VPS13B: variants seen among roughly 807,000 people sequenced by gnomAD.
VPS13B encodes vacuolar protein sorting 13 homolog B.
Under a neutral mutation model 426.4 loss-of-function variants are expected in VPS13B, and 285 were observed. The observed-to-expected ratio is 0.67, with a 90% CI of 0.61 to 0.74. VPS13B has a LOEUF of 0.74. VPS13B is among the 30% of genes least tolerant of loss of function. The probability of loss-of-function intolerance (pLI) is 0.00; values close to 1 mark genes in which losing one functional copy is unlikely to be tolerated. For synonymous variants in VPS13B, 1,676 were observed against 1,676.4 expected (o/e 1.00, Z 0.01); for missense variants, 4,537 against 4,782.6 (o/e 0.95, Z 1.51).
intron 34 of VPS13B, among the ~76,000 whole-genome samples, chr8:99,650,123 C>A (rs947120486): frequency 6.6e-6 from 1 of 152,138 alleles, no homozygotes; most frequent in Non-Finnish European, 1.5e-5. Context: ...GTCCATTAGC[C>A]AGGACTTGGT....
chr8:99,563,552 T>A (rs1342700260), intron 31 of VPS13B, among the ~76,000 whole-genome samples: 2 of 152,184 alleles, frequency 1.3e-5, no homozygotes, highest in Non-Finnish European at 2.9e-5. Flanking sequence ...AATGAATGAT[T>A]GAGTCTATCG....
chr8:99,824,911 T>G (rs1299716704), intron 51 of VPS13B, among the ~76,000 whole-genome samples: 2 of 152,218 alleles, frequency 1.3e-5, no homozygotes, highest in Non-Finnish European at 2.9e-5. Flanking sequence ...ATGAACTCAT[T>G]CTTTTTTATT....
At chr8:99,430,692 A>T (rs1461619932) in intron 21 of VPS13B, among the ~76,000 whole-genome samples, 2 of 148,594 alleles carry the variant, frequency 1.3e-5, no homozygotes, top group African/African-American at 5.2e-5. Context: ...TTTGGTTATC[A>T]TCAAAATCCA....
intron 2 of VPS13B, among the ~76,000 whole-genome samples, chr8:99,028,906 T>C (rs1178860565): frequency 9.9e-5 from 8 of 81,092 alleles, no homozygotes; most frequent in South Asian, 6.3e-4. Flanking sequence ...CCGGACGGGG[T>C]GGCTGCCGGG....
chr8:99,054,147 A>G (rs557928266), intron 3 of VPS13B, among the ~76,000 whole-genome samples: 1 of 152,282 alleles, frequency 6.6e-6, no homozygotes, highest in South Asian at 2.1e-4. Context: ...GGGTGTGCAA[A>G]TCTCTCTTTG....
intron 30 of VPS13B, among the ~76,000 whole-genome samples, chr8:99,540,063 A>T (rs1218543867): frequency 0.046 from 409 of 8,796 alleles, 7 homozygotes; most frequent in South Asian, 0.054. Flanking sequence ...ATATATATAT[A>T]TTTTTTTTTT....
intron 3 of VPS13B, among the ~76,000 whole-genome samples, chr8:99,074,678 C>T (rs186638546): frequency 1.3e-5 from 2 of 152,014 alleles, no homozygotes; most frequent in East Asian, 1.9e-4. Context: ...TCTTGTTGCT[C>T]AGGCTGGAGT....
intron 33 of VPS13B, among the ~76,000 whole-genome samples, chr8:99,629,657 G>A (rs919871255): frequency 1.3e-5 from 2 of 152,298 alleles, no homozygotes; most frequent in South Asian, 2.1e-4. Flanking sequence ...CCAGAATGGA[G>A]ACTTTGAATA....
intron 17 of VPS13B, among the ~76,000 whole-genome samples, chr8:99,239,034 C>T (rs1281756309): frequency 1.3e-5 from 2 of 152,124 alleles, no homozygotes; most frequent in Non-Finnish European, 2.9e-5. Flanking sequence ...TGCTAAAATG[C>T]AGGTTCTTAG....
At chr8:99,538,688 A>G (rs983790888) in intron 30 of VPS13B, among the ~76,000 whole-genome samples, 1 of 152,194 alleles carries the variant, frequency 6.6e-6, no homozygotes. Context: ...GCCTAAAAGG[A>G]TCTTCATGTG....
intron 3 of VPS13B, among the ~76,000 whole-genome samples, chr8:99,086,899 G>T (rs1353808459): frequency 6.6e-6 from 1 of 152,166 alleles, no homozygotes; most frequent in Non-Finnish European, 1.5e-5. Flanking sequence ...GGCTACTCGG[G>T]GGTCAGGGAT....
chr8:99,258,526 T>C (rs1817874879), intron 17 of VPS13B, among the ~76,000 whole-genome samples: 1 of 152,052 alleles, frequency 6.6e-6, no homozygotes, highest in African/African-American at 2.4e-5. Flanking sequence ...AATATCAGTT[T>C]ATAAACAAAT....
intron 33 of VPS13B, among the ~76,000 whole-genome samples, chr8:99,583,719 C>T (rs754691165): frequency 2.0e-5 from 3 of 151,922 alleles, no homozygotes; most frequent in Non-Finnish European, 4.4e-5. Context: ...TGTGTGGTTG[C>T]GTAATAACAG....
intron 36 of VPS13B, among the ~76,000 whole-genome samples, chr8:99,710,261 A>C (rs550649900): frequency 6.6e-6 from 1 of 152,176 alleles, no homozygotes; most frequent in African/African-American, 2.4e-5. Flanking sequence ...GCCTTTTCCA[A>C]TGTTCCATTG....
At chr8:99,608,645 A>G (rs1588546021) in intron 33 of VPS13B, among the ~76,000 whole-genome samples, 1 of 151,898 alleles carries the variant, frequency 6.6e-6, no homozygotes, top group Non-Finnish European at 1.5e-5. Flanking sequence ...CCTCATAACT[A>G]CCCCCAATTT....
chr8:99,275,383 T>C (rs1341236180), intron 19 of VPS13B, 129 bp downstream of exon 19: 1 of 861,342 alleles, frequency 1.2e-6, no homozygotes, highest in Non-Finnish European at 1.7e-6. Context: ...TCTGCAGTTG[T>C]GCTTTTTCAA....
intron 39 of VPS13B, among the ~76,000 whole-genome samples, chr8:99,734,146 G>T (rs1833716322): frequency 6.6e-6 from 1 of 152,076 alleles, no homozygotes; most frequent in Non-Finnish European, 1.5e-5. Context: ...ACTGGCTTCT[G>T]TCATTTAGCA....
Position 99,582,817 on chromosome 8 carries a change from G to A in VPS13B, c.5220+5184G>A, listed in dbSNP as rs192176761. Among the ~76,000 whole-genome samples the A allele has an allele frequency of 1.7e-3, 260 of 152,068 alleles. 2 individuals are homozygous for A. Among genetic ancestry groups the A allele is most frequent in the East Asian group, 8.7e-3 (45 of 5,164 alleles). ...ACTAGAGGCGCCCGCCACCACGCCC[G>A]GCTAATTTTTTGTATTTTTAGGAGA... On this transcript the variant is annotated intron_variant, in intron 33 of 61. Transcript: ENST00000357162.
chr8:99,571,718 T>C (rs1311403696), intron 31 of VPS13B, among the ~76,000 whole-genome samples: 3 of 152,170 alleles, frequency 2.0e-5, no homozygotes, highest in Non-Finnish European at 1.5e-5. Flanking sequence ...GTTTCTCACA[T>C]TGGTCATTTT....
Sources: allele counts gnomAD v4.1 joint callset (sites outside exome capture counted in the v4.1 genomes callset), GRCh38; gene constraint gnomAD v4.1.1; transcripts MANE v1.5; gene names NCBI Gene and HGNC (gene_info 2026-07-23, HGNC 2026-07-21).